Variants in APC2 observed in about 807,000 individuals in gnomAD.
APC2 encodes the protein adenomatous polyposis coli protein 2.
A neutral mutation model predicts 72.5 loss-of-function variants in APC2; 41 were observed. That is an observed-to-expected ratio of 0.57 (90% CI 0.44 to 0.73). APC2 has a LOEUF of 0.73. Among genes scored for constraint, APC2 ranks in the 30% least tolerant of loss-of-function variants. The probability of loss-of-function intolerance (pLI) is 0.00; values close to 1 mark genes in which losing one functional copy is unlikely to be tolerated. For synonymous variants in APC2, 1,898 were observed against 1,612.0 expected (o/e 1.18, Z -4.25); for missense variants, 3,729 against 3,403.4 (o/e 1.10, Z -2.38).
Position 1,450,232 on chromosome 19 carries a change from G to T in APC2, c.-125G>T, listed in dbSNP as rs1043282780. 3.6e-5 allele frequency: 35 copies of T among 985,166 alleles called. No homozygotes were observed. The highest frequency in any genetic ancestry group is 1.6e-4 in the African/African-American group (9 of 57,178). 61.0% of individuals were successfully genotyped at this position (985,166 alleles called of 1,614,324 possible). ...GCCGCGGAGACCCCGGAGCCCGCGC[G>T]CTCCGAGGCCACCCCGGGCCGGGAT... is the stretch of plus-strand genomic sequence containing the variant. On this transcript the variant is annotated 5_prime_UTR_variant, in exon 1 of 15. Coordinates refer to ENST00000590469, the MANE Select transcript of APC2 (RefSeq NM_005883.3).
At position 1,460,270 on chromosome 19, in the gene APC2, T is replaced by C; in HGVS notation, c.1393T>C (p.Tyr465His). Residue 465 changes from tyrosine to histidine, a missense_variant, in exon 11 of 15, where the codon TAC becomes CAC. Transcript: ENST00000590469. ...RDPLNLALRRYAGMTLTNLTF... is the reference protein window; with the variant it reads ...RDPLNLALRRHAGMTLTNLTF... ...CCCGCTGAACCTGGCGCTGCGCCGC[T>C]ACGCGGGCATGACCCTCACCAACCT... 2 of 1,613,538 alleles carry C rather than the reference T, an allele frequency of 1.2e-6. No individual in the cohort carries two copies. The highest frequency in any genetic ancestry group is 2.7e-5 in the African/African-American group (2 of 75,078).
At chr19:1,458,507 A>C (rs2145204125) in intron 10 of APC2, 1 of 161,650 alleles carries the variant, frequency 6.2e-6, no homozygotes, top group Admixed American at 6.0e-5. Flanking sequence ...CCAAGGCAGG[A>C]GGATGACTTT....
At position 1,465,956 on chromosome 19, in the gene APC2, G is replaced by A. The variant is rs758239892; in HGVS notation, c.2655G>A (p.Arg885=). 1.3e-6 allele frequency: 2 copies of A among 1,574,692 alleles called. No individual in the cohort carries two copies. Among genetic ancestry groups the A allele is most frequent in the Admixed American group, 3.6e-5 (2 of 54,952 alleles). ...SSGDPGQEAP[R]EGRAQSCSPC... ...GAGACCCGGGACAGGAGGCGCCACG[G>A]GAGGGCCGCGCCCAGTCCTGCTCGC... Residue 885 remains arginine, a synonymous_variant, in exon 15 of 15, where the codon CGG becomes CGA. Transcript: ENST00000590469.
rs780876216 is a variant in APC2, at chr19:1,455,137, C to T, written c.414-12C>T. The T allele has an allele frequency of 5.1e-6, 8 of 1,554,872 alleles. No homozygotes were observed. In the East Asian group the frequency reaches 1.9e-4, roughly 37 times the overall value. On this transcript the variant is annotated splice_polypyrimidine_tract_variant and intron_variant, in intron 4 of 14. Transcript: ENST00000590469. ...CGCCCTCTGAGCCCGCCCCCGCTGA[C>T]TTGCTCCCCAGGTGTTTCCTGCTGA...
chr19:1,458,282 G>T, intron 10 of APC2: 1 of 579,324 alleles, frequency 1.7e-6, no homozygotes, highest in Non-Finnish European at 3.1e-6. Context: ...GATCTGGTCT[G>T]AGGCTTCGGG....
Position 1,455,364 on chromosome 19 carries a change from C to A in APC2, c.523-20C>A, listed in dbSNP as rs1333144487. 2 of 1,603,648 alleles carry A rather than the reference C, an allele frequency of 1.2e-6. No individual in the cohort carries two copies. Among genetic ancestry groups the A allele is most frequent in the Non-Finnish European group, 1.7e-6 (2 of 1,175,566 alleles). On this transcript the variant is annotated intron_variant, in intron 5 of 14. Coordinates refer to ENST00000590469, the MANE Select transcript of APC2 (RefSeq NM_005883.3). ...GGCCCGGGCGCCCCTCACCGTGGCCCGCCCGCCTGCCTTTGCCAGCAGTTC... is the reference window on the plus strand; with the variant it reads ...GGCCCGGGCGCCCCTCACCGTGGCCAGCCCGCCTGCCTTTGCCAGCAGTTC...
intron 11 of APC2, 87 bp from the exon 12 acceptor site, chr19:1,460,693 T>C: frequency 7.4e-7 from 1 of 1,354,316 alleles, no homozygotes; most frequent in Non-Finnish European, 1.0e-6. Flanking sequence ...AGTTTGCAGC[T>C]GCAGCACACA....
chr19:1,449,137 C>G (rs1466566764), upstream of APC2, among the ~76,000 whole-genome samples: 6 of 152,232 alleles, frequency 3.9e-5, no homozygotes, highest in African/African-American at 1.2e-4. Context: ...TGCACCAGCC[C>G]TTGCAGAATC....
chr19:1,467,438 C>G lies in APC2; in HGVS notation c.4137C>G (p.Ala1379=), dbSNP rs2084038499. The change falls in exon 15 of 15, where the codon GCC becomes GCG. Residue 1379 remains alanine (A), a synonymous_variant. Transcript: ENST00000590469. The part of the protein sequence containing the change: ...LPVPVYMLVP[A]PAPAQEDDSC... The stretch of plus-strand genomic sequence containing the variant: ...TGCCCGTCTACATGTTGGTGCCCGC[C>G]CCGGCCCCGGCCCAGGAGGACGACT... The G allele has an allele frequency of 1.4e-6, 2 of 1,478,664 alleles. No individual in the cohort carries two copies. Among genetic ancestry groups the G allele is most frequent in the Non-Finnish European group, 1.8e-6 (2 of 1,118,802 alleles). 91.6% of individuals were successfully genotyped at this position (1,478,664 alleles called of 1,614,324 possible).
intron 13 of APC2, 99 bp from the exon 14 acceptor site, chr19:1,461,864 C>A (rs9916972): frequency 0.073 from 73,078 of 1,004,698 alleles, 6,082 homozygotes; most frequent in African/African-American, 0.44. Flanking sequence ...AAAAAAAAAA[C>A]AAAAAACAAA....
intron 13 of APC2, 146 bp from the exon 14 acceptor site, chr19:1,461,817 A>T (rs1368676330): frequency 1.5e-6 from 1 of 669,312 alleles, no homozygotes; most frequent in Non-Finnish European, 2.5e-6. Context: ...TCGCCACTGC[A>T]CTCCAGCCTG....
Position 1,462,157 on chromosome 19 carries a change from C to A in APC2, c.1833C>A (p.Val611=). ...TCCTCCGCAATGTGTCCAGCCTCGT[C>A]GCCACCCGTGAGGACTACAGGTCGG... ...GGILRNVSSL[V]ATREDYRQVL... The change falls in exon 14 of 15, where the codon GTC becomes GTA. Residue 611 remains valine (V), a synonymous_variant. Transcript: ENST00000590469. 3 of 1,604,950 alleles carry A rather than the reference C, an allele frequency of 1.9e-6. No individual in the cohort carries two copies. The highest frequency in any genetic ancestry group is 2.5e-6 in the Non-Finnish European group (3 of 1,177,318).
At position 1,462,139 on chromosome 19, in the gene APC2, C is replaced by T. The variant is rs776638848; in HGVS notation, c.1815C>T (p.Arg605=). The change falls in exon 14 of 15, where the codon CGC becomes CGT. Residue 605 remains arginine, a synonymous_variant. Transcript: ENST00000590469. The part of the protein sequence containing the change: ...AIIESGGGIL[R]NVSSLVATRE... ...TCGAGAGCGGCGGCGGCATCCTCCG[C>T]AATGTGTCCAGCCTCGTCGCCACCC... The T allele has an allele frequency of 3.1e-6, 5 of 1,611,784 alleles. No homozygotes were observed. The highest frequency in any genetic ancestry group is 1.7e-4 in the Middle Eastern group (1 of 5,910).
chr19:1,461,853 A>C (rs769560847), intron 13 of APC2, 110 bp from the exon 14 acceptor site: 10 of 921,282 alleles, frequency 1.1e-5, no homozygotes, highest in Non-Finnish European at 1.4e-5. Context: ...TTCCGTCTCA[A>C]AAAAAAAAAA....
rs1171280281 is a variant in APC2 at position 1,453,348 on chromosome 19, G to T, written c.232+11G>T. Reference sequence around the variant, plus strand: ...TGGAGCAGCTGAAGGGTGAGCGGTGGGGCCACCCGCAGAGGGAGTGGGGGA... The same window carrying T: ...TGGAGCAGCTGAAGGGTGAGCGGTGTGGCCACCCGCAGAGGGAGTGGGGGA... On this transcript the variant is annotated intron_variant, in intron 3 of 14. Coordinates refer to ENST00000590469, the MANE Select transcript of APC2 (RefSeq NM_005883.3). 3 of 1,609,920 alleles carry T rather than the reference G, an allele frequency of 1.9e-6. No homozygotes were observed. The highest frequency in any genetic ancestry group is 3.4e-5 in the Admixed American group (2 of 59,498).
At chr19:1,459,848 C>T (rs928802736) in intron 10 of APC2, among the ~76,000 whole-genome samples, 6 of 152,184 alleles carry the variant, frequency 3.9e-5, no homozygotes, top group South Asian at 2.1e-4. Context: ...GGGCCTTCCC[C>T]GAGGCACCTA....
upstream of APC2, among the ~76,000 whole-genome samples, chr19:1,449,113 C>T (rs1006461865): frequency 1.3e-5 from 2 of 152,242 alleles, no homozygotes; most frequent in Admixed American, 1.3e-4. Flanking sequence ...TTCCCACCCT[C>T]TCCTATCATT....
intron 5 of APC2, 49 bp from the exon 6 acceptor site, chr19:1,455,335 G>A: frequency 6.3e-7 from 1 of 1,594,706 alleles, no homozygotes; most frequent in South Asian, 1.1e-5. Context: ...GAGGAACGGG[G>A]CCTGGCCCGG....
At position 1,466,360 on chromosome 19, in the gene APC2, G is replaced by A. The variant is rs2084014865; in HGVS notation, c.3059G>A (p.Gly1020Glu). Residue 1020 changes from glycine to glutamate, a missense_variant, in exon 15 of 15, where the codon GGA becomes GAA. Physicochemically the swap from Gly to Glu is moderately conservative, Grantham distance 98. Coordinates refer to ENST00000590469, the MANE Select transcript of APC2 (RefSeq NM_005883.3). ...RAGAEPLAGP[G>E]ISPGARKQAW... is the part of the protein sequence containing the mutation. Reference sequence around the variant, plus strand: ...GGTGCAGAGCCCCTCGCGGGGCCTGGAATCTCTCCAGGGGCCCGGAAGCAG... The same window carrying A: ...GGTGCAGAGCCCCTCGCGGGGCCTGAAATCTCTCCAGGGGCCCGGAAGCAG... 1 of 1,569,890 alleles carries A rather than the reference G, an allele frequency of 6.4e-7. No homozygotes were observed.
Sources: gnomAD v4.1 joint callset for allele counts (sites outside exome capture counted in the v4.1 genomes callset) on GRCh38, gnomAD v4.1.1 for gene constraint, MANE v1.5 for transcripts, NCBI Gene and HGNC (gene_info 2026-07-23, HGNC 2026-07-21) for gene names.